The following EYS variants were observed in gnomAD, a reference collection of about 807,000 sequenced individuals.
EYS encodes protein eyes shut homolog.
A neutral mutation model predicts 282.1 loss-of-function variants in EYS; 250 were observed. That is an observed-to-expected ratio of 0.89 (90% CI 0.80 to 0.98). EYS has a LOEUF of 0.98. Among genes scored for constraint, EYS ranks in the 50% least tolerant of loss-of-function variants. EYS has a pLI of 0.00. For synonymous variants in EYS, 1,355 were observed against 1,282.9 expected (o/e 1.06, Z -1.20); for missense variants, 4,016 against 3,709.0 (o/e 1.08, Z -2.15).
At chr6:64,741,324 A>G (rs1772364932) in intron 22 of EYS, among the ~76,000 whole-genome samples, 1 of 152,106 alleles carries the variant, frequency 6.6e-6, no homozygotes, top group African/African-American at 2.4e-5. Flanking sequence ...CGGACTTAAC[A>G]TATTCAGTAA....
At chr6:65,076,801 G>A (rs916668203) in intron 12 of EYS, among the ~76,000 whole-genome samples, 5 of 151,910 alleles carry the variant, frequency 3.3e-5, no homozygotes, top group African/African-American at 9.7e-5. Flanking sequence ...AGAAAGAGAA[G>A]TATAAAGAGA....
intron 22 of EYS, among the ~76,000 whole-genome samples, chr6:64,747,641 G>A (rs1377873019): frequency 6.6e-6 from 1 of 152,258 alleles, no homozygotes; most frequent in African/African-American, 2.4e-5. Context: ...GGCTCCCAAA[G>A]TGCTGTGATT....
intron 22 of EYS, among the ~76,000 whole-genome samples, chr6:64,673,542 T>C (rs1233540475): frequency 6.6e-6 from 1 of 152,146 alleles, no homozygotes; most frequent in Non-Finnish European, 1.5e-5. Flanking sequence ...CACTGTCTAG[T>C]TATTTTGCCT....
intron 26 of EYS, among the ~76,000 whole-genome samples, chr6:64,462,696 G>A (rs1042007198): frequency 2.2e-4 from 34 of 151,560 alleles, no homozygotes; most frequent in African/African-American, 8.0e-4. Context: ...TTGTTTTTTA[G>A]CTTCCAAGAT....
chr6:63,855,085 C>G (rs1772356513), intron 36 of EYS, among the ~76,000 whole-genome samples: 1 of 152,194 alleles, frequency 6.6e-6, no homozygotes, highest in Non-Finnish European at 1.5e-5. Flanking sequence ...TGGTTTAATG[C>G]TGTTATTGCA....
intron 2 of EYS, among the ~76,000 whole-genome samples, chr6:65,594,872 T>A (rs1162621676): frequency 2.0e-5 from 3 of 152,112 alleles, no homozygotes; most frequent in African/African-American, 7.2e-5. Context: ...AGTTTCAGCT[T>A]TCTACATATG....
At chr6:63,879,132 T>C (rs1418261322) in intron 35 of EYS, among the ~76,000 whole-genome samples, 2 of 152,182 alleles carry the variant, frequency 1.3e-5, no homozygotes, top group African/African-American at 2.4e-5. Flanking sequence ...AACTTGATGA[T>C]TGGTTTCTGG....
intron 26 of EYS, among the ~76,000 whole-genome samples, chr6:64,564,135 T>C (rs1765486237): frequency 1.3e-5 from 2 of 151,978 alleles, no homozygotes; most frequent in African/African-American, 2.4e-5. Context: ...CTGGATCACA[T>C]AGTAATGCTG....
chr6:64,482,053 C>A (rs1776451627), intron 26 of EYS, among the ~76,000 whole-genome samples: 1 of 151,726 alleles, frequency 6.6e-6, no homozygotes, highest in Admixed American at 6.6e-5. Context: ...GTTACCAAGT[C>A]TCTTTCCATA....
intron 31 of EYS, among the ~76,000 whole-genome samples, chr6:64,121,420 T>C (rs765033337): frequency 3.9e-5 from 6 of 152,142 alleles, no homozygotes; most frequent in Non-Finnish European, 8.8e-5. Context: ...CTTAGAAAGG[T>C]TTAGTAATTG....
intron 29 of EYS, among the ~76,000 whole-genome samples, chr6:64,314,569 G>A (rs1769862401): frequency 6.6e-6 from 1 of 152,058 alleles, no homozygotes; most frequent in Non-Finnish European, 1.5e-5. Flanking sequence ...AGAAAAAAAT[G>A]ATAACACACA....
In EYS at chr6:64,682,262, G is replaced by C. The variant is rs930172974; in HGVS notation, c.3444-56017C>G. Among the ~76,000 whole-genome samples the C allele has an allele frequency of 8.5e-5, 13 of 152,196 alleles. No individual in the cohort carries two copies. The East Asian group carries it at 2.3e-3, about 27-fold the overall frequency. The stretch of plus-strand genomic sequence containing the variant: ...GGGCGCCTGTAGTCCCAGCTACTCC[G>C]GAGGCTGAGGTGGGAGAATGGCGTG... On this transcript the variant is annotated intron_variant, in intron 22 of 42. Transcript: ENST00000503581.
intron 7 of EYS, among the ~76,000 whole-genome samples, chr6:65,386,963 C>T (rs1267613954): frequency 2.0e-5 from 3 of 151,142 alleles, no homozygotes; most frequent in South Asian, 2.1e-4. Flanking sequence ...CATAGGAAAG[C>T]AGCGAGGATC....
intron 22 of EYS, among the ~76,000 whole-genome samples, chr6:64,717,494 G>A (rs961538375): frequency 6.6e-6 from 1 of 152,146 alleles, no homozygotes; most frequent in Non-Finnish European, 1.5e-5. Flanking sequence ...TGATCTGACA[G>A]AAGGCAAAGC....
At position 64,307,058 on chromosome 6, in the gene EYS, T is replaced by TA. The variant is rs1582571021; in HGVS notation, c.6102dup (p.Thr2035TyrfsTer11). 2.0e-6 allele frequency: 3 copies of TA among 1,529,336 alleles called. No homozygotes were observed. Among genetic ancestry groups the TA allele is most frequent in the Non-Finnish European group, 1.8e-6 (2 of 1,128,488 alleles). The allele number at this position is 1,529,336 out of a possible 1,614,324, so 94.7% of individuals were successfully genotyped here. ...ATTTCTATAACTTCTATGCAGCCAG[T>TA]AAAATTCTTGACTGGTACAGGCATC... On this transcript the variant is annotated frameshift_variant, in exon 30 of 43. Transcript: ENST00000503581. LOFTEE classifies it high-confidence loss of function.
chr6:63,821,296 G>C (rs1338785123), intron 36 of EYS: 1 of 151,852 alleles, frequency 6.6e-6, no homozygotes. Flanking sequence ...GAAGCACAAA[G>C]AAAGTAGAAA....
At chr6:64,501,266 C>T (rs1351282136) in intron 26 of EYS, among the ~76,000 whole-genome samples, 3 of 151,612 alleles carry the variant, frequency 2.0e-5, no homozygotes. Context: ...AATGTCTATT[C>T]CATTTACCTT....
chr6:64,842,460 C>T (rs1202147971), intron 19 of EYS, among the ~76,000 whole-genome samples: 1 of 151,594 alleles, frequency 6.6e-6, no homozygotes, highest in African/African-American at 2.4e-5. Flanking sequence ...ATTGTGGAAG[C>T]GACTTTGGAA....
Position 64,361,991 on chromosome 6 carries a change from A to G in EYS, c.6078+26699T>C, listed in dbSNP as rs74642926. Among the ~76,000 whole-genome samples, 1,399 of 151,894 alleles carry G rather than the reference A, an allele frequency of 9.2e-3. 19 individuals carry two copies. Among genetic ancestry groups the G allele is most frequent in the East Asian group, 0.049 (253 of 5,136 alleles). ...CTGATAGCTTTAGATTGTTTAGTCAAATTTTTCCAGAAAAATTTTTAATTT... is the reference window on the plus strand; with the variant it reads ...CTGATAGCTTTAGATTGTTTAGTCAGATTTTTCCAGAAAAATTTTTAATTT... On this transcript the variant is annotated intron_variant, in intron 29 of 42. Transcript: ENST00000503581.
Sources: gnomAD v4.1 joint callset for allele counts (sites outside exome capture counted in the v4.1 genomes callset) on GRCh38, gnomAD v4.1.1 for gene constraint, MANE v1.5 for transcripts, NCBI Gene and HGNC (gene_info 2026-07-23, HGNC 2026-07-21) for gene names.